The following DGKI variants were observed in gnomAD, a reference collection of about 807,000 sequenced individuals.
The protein encoded by DGKI is diacylglycerol kinase iota.
DGKI carries 55 observed loss-of-function variants against 147.5 expected under a neutral mutation model. The observed-to-expected ratio is 0.37, with a 90% CI of 0.30 to 0.47. The LOEUF is 0.47. DGKI is among the 20% of genes least tolerant of loss of function. The pLI is 1.00. For missense variants in DGKI, 1,007 were observed against 1,323.8 expected, an observed-to-expected ratio of 0.76 and a Z score of 3.71; for synonymous variants, 469 against 477.1, an observed-to-expected ratio of 0.98 and a Z score of 0.22.
intron 19 of DGKI, among the ~76,000 whole-genome samples, chr7:137,570,673 C>T (rs1020504409): frequency 6.6e-6 from 1 of 151,510 alleles, no homozygotes; most frequent in Non-Finnish European, 1.5e-5. Flanking sequence ...CTCACTGCAA[C>T]CTTTGCCTCC....
rs376499585 is a variant in DGKI, at chr7:137,647,425, A to G, written c.739-1888T>C. Among the ~76,000 whole-genome samples the G allele has an allele frequency of 1.8e-4, 28 of 152,290 alleles. 1 individual carries two copies. The South Asian group carries it at 5.0e-3, about 27-fold the overall frequency. On this transcript the variant is annotated intron_variant, in intron 5 of 32. Coordinates refer to ENST00000614521, the MANE Select transcript of DGKI (RefSeq NM_001321708.2). ...AATAGGTCTCCAGGATCCTATTCCA[A>G]TGATCTCTCTCTTCTGAAAACAAAT...
chr7:137,734,852 T>C (rs1221965477), intron 1 of DGKI, among the ~76,000 whole-genome samples: 1 of 152,252 alleles, frequency 6.6e-6, no homozygotes, highest in East Asian at 1.9e-4. Flanking sequence ...CTTCTGTGAC[T>C]CATGACCTTT....
chr7:137,573,020 G>C (rs531609364), intron 17 of DGKI, among the ~76,000 whole-genome samples, 182 bp from the exon 18 acceptor site: 1 of 152,020 alleles, frequency 6.6e-6, no homozygotes, highest in African/African-American at 2.4e-5. Context: ...CTGGACCCAG[G>C]GTACAGAGGT....
intron 15 of DGKI, 61 bp from the exon 16 acceptor site, chr7:137,578,386 A>G (rs1824576056): frequency 8.2e-7 from 1 of 1,213,606 alleles, no homozygotes; most frequent in African/African-American, 1.5e-5. Context: ...GACTTAGATT[A>G]GCACTCCTAC....
intron 6 of DGKI, among the ~76,000 whole-genome samples, chr7:137,638,278 T>G (rs1349651263): frequency 6.6e-6 from 1 of 151,734 alleles, no homozygotes; most frequent in Admixed American, 6.6e-5. Flanking sequence ...CACCTCTTCG[T>G]CTCTTCTTTC....
chr7:137,724,066 A>AAG (rs34250953), intron 1 of DGKI, among the ~76,000 whole-genome samples: 22 of 149,830 alleles, frequency 1.5e-4, no homozygotes, highest in Non-Finnish European at 2.4e-4. Flanking sequence ...TACATTAGGT[A>AAG]AGAGAGAGAG....
At chr7:137,531,939 T>C (rs1817352768) in intron 20 of DGKI, among the ~76,000 whole-genome samples, 1 of 152,164 alleles carries the variant, frequency 6.6e-6, no homozygotes, top group Non-Finnish European at 1.5e-5. Flanking sequence ...TTAGTGATAT[T>C]TGAGTGTCTA....
intron 2 of DGKI, among the ~76,000 whole-genome samples, chr7:137,688,650 A>G (rs962027857): frequency 6.6e-6 from 1 of 152,240 alleles, no homozygotes. Flanking sequence ...TCCTTGATAC[A>G]TAATACACTC....
intron 1 of DGKI, among the ~76,000 whole-genome samples, chr7:137,691,881 A>G (rs1823627605): frequency 7.1e-6 from 1 of 141,194 alleles, no homozygotes; most frequent in Non-Finnish European, 1.5e-5. Context: ...TTCAGTAGTT[A>G]GAAGCGATCA....
chr7:137,401,467 G>C (rs1444028879), intron 30 of DGKI, among the ~76,000 whole-genome samples: 1 of 152,066 alleles, frequency 6.6e-6, no homozygotes, highest in Non-Finnish European at 1.5e-5. Context: ...GGAGATCAAA[G>C]TTACAGTGAG....
At chr7:137,670,980 C>A (rs988033682) in intron 3 of DGKI, among the ~76,000 whole-genome samples, 1 of 152,186 alleles carries the variant, frequency 6.6e-6, no homozygotes, top group Non-Finnish European at 1.5e-5. Context: ...TAATGCATGT[C>A]GGGCTCTGAT....
intron 1 of DGKI, among the ~76,000 whole-genome samples, chr7:137,726,360 T>C (rs986665705): frequency 6.6e-6 from 1 of 152,214 alleles, no homozygotes; most frequent in Non-Finnish European, 1.5e-5. Flanking sequence ...CGATTTCTCC[T>C]GTCCTCCACT....
chr7:137,408,495 G>A (rs1172712693), intron 29 of DGKI, among the ~76,000 whole-genome samples: 1 of 152,086 alleles, frequency 6.6e-6, no homozygotes, highest in South Asian at 2.1e-4. Context: ...TTTCTCCCAT[G>A]TAAGATCACT....
chr7:137,554,125 G>C (rs1429120566), intron 19 of DGKI, among the ~76,000 whole-genome samples: 1 of 152,184 alleles, frequency 6.6e-6, no homozygotes, highest in East Asian at 1.9e-4. Context: ...ATCAATCCAA[G>C]ATGGTTGCAC....
chr7:137,546,615 C>G (rs1287650808), intron 20 of DGKI, among the ~76,000 whole-genome samples: 1 of 152,172 alleles, frequency 6.6e-6, no homozygotes, highest in Non-Finnish European at 1.5e-5. Flanking sequence ...CAGATTTCTC[C>G]CTTTTCTCCC....
chr7:137,809,654 C>A (rs910213875), intron 1 of DGKI, among the ~76,000 whole-genome samples: 1 of 152,144 alleles, frequency 6.6e-6, no homozygotes, highest in African/African-American at 2.4e-5. Context: ...TGCCTGTAAT[C>A]CCAGCATTCT....
At chr7:137,395,780 C>T in intron 31 of DGKI, 83 bp from the exon 32 acceptor site, 1 of 1,210,204 alleles carries the variant, frequency 8.3e-7, no homozygotes, top group South Asian at 1.3e-5. Flanking sequence ...ATGTAGGGTG[C>T]TCCTCAGCCT....
At chr7:137,485,759 C>T (rs1815533781) in intron 22 of DGKI, among the ~76,000 whole-genome samples, 1 of 152,064 alleles carries the variant, frequency 6.6e-6, no homozygotes, top group African/African-American at 2.4e-5. Flanking sequence ...ATTTAATGTG[C>T]ATATAAACTT....
Position 137,846,405 on chromosome 7 carries a change from A to T in DGKI, c.401+57T>A. On this transcript the variant is annotated intron_variant, in intron 1 of 32. Coordinates refer to ENST00000614521, the MANE Select transcript of DGKI (RefSeq NM_001321708.2). This position sits in a 1 kb window ranked among gnomAD's most constrained non-coding sequence, Gnocchi z 4.0. ...CGCGGAAGCGCCCCTTGCTGGGTAG[A>T]AGAGTGGGTCTCCCGCCGCGGCGCA... The T allele has an allele frequency of 7.4e-7, 1 of 1,350,520 alleles. No individual in the cohort carries two copies. Among genetic ancestry groups the T allele is most frequent in the Non-Finnish European group, 1.0e-6 (1 of 985,806 alleles). 83.7% of individuals were successfully genotyped at this position (1,350,520 alleles called of 1,614,324 possible).
Sources: allele counts gnomAD v4.1 joint callset (sites outside exome capture counted in the v4.1 genomes callset), GRCh38; gene constraint gnomAD v4.1.1; non-coding constraint Gnocchi (gnomAD v3.1); transcripts MANE v1.5; gene names NCBI Gene and HGNC (gene_info 2026-07-23, HGNC 2026-07-21).